Variants in COX5A observed in about 807,000 individuals in gnomAD.
COX5A encodes cytochrome c oxidase subunit 5A.
COX5A carries 6 observed loss-of-function variants against 16.1 expected under a neutral mutation model. The ratio of observed to expected loss-of-function variants is 0.37; its 90% CI spans 0.20 to 0.73. COX5A has a LOEUF of 0.73. Ranked by LOEUF, COX5A falls within the 30% of genes least tolerant of loss-of-function variation. The probability of loss-of-function intolerance (pLI) is 0.50; values close to 1 mark genes in which losing one functional copy is unlikely to be tolerated. For synonymous variants in COX5A, 73 were observed against 73.8 expected (o/e 0.99, Z 0.06); for missense variants, 159 against 194.9 (o/e 0.82, Z 1.10).
At chr15:74,935,468 C>T (rs974028020) in intron 1 of COX5A, among the ~76,000 whole-genome samples, 3 of 150,890 alleles carry the variant, frequency 2.0e-5, no homozygotes, top group Non-Finnish European at 1.5e-5. Context: ...AAACTGGTGG[C>T]GCACCCTTGT....
intron 3 of COX5A, among the ~76,000 whole-genome samples, chr15:74,925,554 A>T (rs889271649): frequency 1.2e-4 from 18 of 151,182 alleles, no homozygotes; most frequent in Non-Finnish European, 3.0e-5. Flanking sequence ...ACGCCCGGCT[A>T]ATTTTTTATT....
intron 4 of COX5A, among the ~76,000 whole-genome samples, chr15:74,923,226 C>T (rs1465347164): frequency 6.6e-6 from 1 of 151,886 alleles, no homozygotes; most frequent in African/African-American, 2.4e-5. Flanking sequence ...GGGTTTGAGA[C>T]CAGCCTGGCC....
At chr15:74,923,237 G>A (rs1358906388) in intron 4 of COX5A, among the ~76,000 whole-genome samples, 3 of 151,764 alleles carry the variant, frequency 2.0e-5, no homozygotes, top group African/African-American at 7.3e-5. Flanking sequence ...CAGCCTGGCC[G>A]ACAGGATGAA....
chr15:74,933,129 C>G (rs1043993747), intron 1 of COX5A, among the ~76,000 whole-genome samples: 1 of 145,298 alleles, frequency 6.9e-6, no homozygotes, highest in Non-Finnish European at 1.5e-5. Flanking sequence ...TATCAGAAAA[C>G]AAGGCCAGGT....
rs1191709734 is a variant in COX5A, at chr15:74,929,948, G to A, written c.101-716C>T. Among the ~76,000 whole-genome samples the A allele has an allele frequency of 2.6e-5, 4 of 151,550 alleles. No homozygotes were observed. The South Asian group carries it at 8.3e-4, about 32-fold the overall frequency. On this transcript the variant is annotated intron_variant, in intron 1 of 4. Transcript: ENST00000322347. Reference sequence around the variant, plus strand: ...CAAAAAATTAGCCAGGTGTGGTGGCGGGCGGCTGTAGTCCCAGCTACTCGG... The same window carrying A: ...CAAAAAATTAGCCAGGTGTGGTGGCAGGCGGCTGTAGTCCCAGCTACTCGG...
In COX5A at chr15:74,927,111, C is replaced by T. The variant is rs147566073; in HGVS notation, c.218-224G>A. Among the ~76,000 whole-genome samples, 11 of 152,086 alleles carry T rather than the reference C, an allele frequency of 7.2e-5. No homozygotes were observed. In the East Asian group the frequency reaches 1.5e-3, roughly 21 times the overall value. ...GGAAAGAAAGAACTATGCAACAGCA[C>T]GCAGATTGAAGGAAAAAATCCTGAG... On this transcript the variant is annotated intron_variant, in intron 2 of 4. Coordinates refer to ENST00000322347, the MANE Select transcript of COX5A (RefSeq NM_004255.4).
At chr15:74,928,193 T>C (rs948601961) in intron 2 of COX5A, among the ~76,000 whole-genome samples, 1 of 152,304 alleles carries the variant, frequency 6.6e-6, no homozygotes, top group African/African-American at 2.4e-5. Context: ...GTCATTGAGA[T>C]TGAATTTTTG....
chr15:74,929,831 G>A (rs977758893), intron 1 of COX5A, among the ~76,000 whole-genome samples: 6 of 151,948 alleles, frequency 3.9e-5, no homozygotes, highest in Non-Finnish European at 7.4e-5. Context: ...TGTAATCCCA[G>A]CACTTTGGGA....
At chr15:74,921,509 C>T (rs1459220882) in intron 4 of COX5A, among the ~76,000 whole-genome samples, 1 of 151,636 alleles carries the variant, frequency 6.6e-6, no homozygotes, top group Non-Finnish European at 1.5e-5. Context: ...GCGGGTGGAT[C>T]ACCTGAGGTC....
chr15:74,930,081 AAAACAAAC>A (rs770038128), intron 1 of COX5A, among the ~76,000 whole-genome samples: 2 of 150,852 alleles, frequency 1.3e-5, no homozygotes, highest in East Asian at 2.0e-4. Flanking sequence ...TCCAACTCAA[AAAACAAAC>A]AAACAAACAA....
At position 74,929,097 on chromosome 15, in the gene COX5A, A is replaced by C. The variant is rs759247989; in HGVS notation, c.217+19T>G. ...TATTTACACACCAAAATAGACAAATATGTTTATGTTCCAATTACCTTTACG... is the reference window on the plus strand; with the variant it reads ...TATTTACACACCAAAATAGACAAATCTGTTTATGTTCCAATTACCTTTACG... On this transcript the variant is annotated intron_variant, in intron 2 of 4. Transcript: ENST00000322347. The C allele has an allele frequency of 1.1e-5, 16 of 1,512,726 alleles. No homozygotes were observed. Among genetic ancestry groups the C allele is most frequent in the Non-Finnish European group, 3.7e-6 (4 of 1,088,250 alleles). 93.7% of individuals were successfully genotyped at this position (1,512,726 alleles called of 1,614,324 possible).
rs569075486 is a variant in COX5A, at chr15:74,922,214, G to A, written c.*9+1434C>T. ...CCAGCCTGGCCAACATGGTGAAACC[G>A]TCTCTACTAAAAATACAAAAATTAG... On this transcript the variant is annotated intron_variant, in intron 4 of 4. Coordinates refer to ENST00000322347, the MANE Select transcript of COX5A (RefSeq NM_004255.4). 1.8e-3 allele frequency among the ~76,000 whole-genome samples: 266 copies of A among 151,674 alleles called. 1 individual carries two copies. Among genetic ancestry groups the A allele is most frequent in the South Asian group, 7.1e-3 (34 of 4,788 alleles).
At chr15:74,934,487 C>T (rs369066341) in intron 1 of COX5A, among the ~76,000 whole-genome samples, 4 of 152,190 alleles carry the variant, frequency 2.6e-5, no homozygotes, top group African/African-American at 9.6e-5. Context: ...CTCGCCACCA[C>T]GCCCGGCTAA....
At position 74,920,126 on chromosome 15, in the gene COX5A, A is replaced by G; in HGVS notation, c.*326T>C. 2.1e-6 allele frequency: 1 copy of G among 480,888 alleles called. No homozygotes were observed. The highest frequency in any genetic ancestry group is 3.6e-6 in the Non-Finnish European group (1 of 278,590). The allele number at this position is 480,888 out of a possible 1,614,324, so 29.8% of individuals were successfully genotyped here. A position where few individuals can be genotyped will look rare whatever the true frequency, so the allele number is the denominator to read the frequency against. On this transcript the variant is annotated 3_prime_UTR_variant, in exon 5 of 5. Transcript: ENST00000322347. ...GCTAATTTACAAGCTAGGGCACCCA[A>G]ACATATTAATGAAGCTGATTTTCAT...
intron 3 of COX5A, 37 bp from the exon 4 acceptor site, chr15:74,923,807 A>C: frequency 1.0e-5 from 13 of 1,270,474 alleles, no homozygotes; most frequent in African/African-American, 1.5e-5. Flanking sequence ...TAACTCTCTC[A>C]AAAGCCATGT....
At chr15:74,921,521 G>T (rs2065320838) in intron 4 of COX5A, among the ~76,000 whole-genome samples, 1 of 151,764 alleles carries the variant, frequency 6.6e-6, no homozygotes, top group African/African-American at 2.4e-5. Flanking sequence ...CCTGAGGTCA[G>T]GAGTTCAAGA....
intron 4 of COX5A, 104 bp from the exon 5 acceptor site, chr15:74,920,546 C>G: frequency 1.6e-6 from 1 of 638,044 alleles, no homozygotes. Context: ...CACTGTCTCT[C>G]TGTACCCTTT....
At chr15:74,925,213 T>G (rs984395212) in intron 3 of COX5A, among the ~76,000 whole-genome samples, 1 of 151,476 alleles carries the variant, frequency 6.6e-6, no homozygotes, top group Non-Finnish European at 1.5e-5. Context: ...GGCAGAAGAA[T>G]TGCTTGAACC....
chr15:74,921,422 A>AAG (rs1263287617), intron 4 of COX5A, among the ~76,000 whole-genome samples: 1 of 150,006 alleles, frequency 6.7e-6, no homozygotes, highest in African/African-American at 2.4e-5. Flanking sequence ...AAAAAAAAAA[A>AAG]AAAAGAAAAA....
Sources: allele counts gnomAD v4.1 joint callset (sites outside exome capture counted in the v4.1 genomes callset), GRCh38; gene constraint gnomAD v4.1.1; transcripts MANE v1.5; gene names NCBI Gene and HGNC (gene_info 2026-07-23, HGNC 2026-07-21).